CBR4: variants seen among roughly 807,000 people sequenced by gnomAD.
CBR4 encodes carbonyl reductase 4.
CBR4 carries 22 observed loss-of-function variants against 21.0 expected under a neutral mutation model. The ratio of observed to expected loss-of-function variants is 1.05; its 90% CI spans 0.75 to 1.50. CBR4 has a LOEUF of 1.50. CBR4 is among the 40% of genes most tolerant of loss of function. The probability of loss-of-function intolerance (pLI) is 0.00; values close to 1 mark genes in which losing one functional copy is unlikely to be tolerated. For synonymous variants in CBR4, 100 were observed against 104.4 expected (o/e 0.96, Z 0.26); for missense variants, 302 against 286.3 (o/e 1.05, Z -0.40).
chr4:168,907,143 C>T (rs1757983940), intron 2 of CBR4, among the ~76,000 whole-genome samples: 1 of 151,820 alleles, frequency 6.6e-6, no homozygotes. Context: ...AATAATAATA[C>T]AGATTTAAAT....
chr4:168,985,537 CATATATTCCCAA>C (rs1039337211), downstream of CBR4, among the ~76,000 whole-genome samples: 1 of 152,148 alleles, frequency 6.6e-6, no homozygotes, highest in Non-Finnish European at 1.5e-5. Flanking sequence ...CCCATTACTG[CATATATTCCCAA>C]AGGAATATAA....
At chr4:168,961,053 C>T (rs1216733075) in intron 2 of CBR4, among the ~76,000 whole-genome samples, 1 of 152,194 alleles carries the variant, frequency 6.6e-6, no homozygotes, top group African/African-American at 2.4e-5. Flanking sequence ...TCACGTATTA[C>T]AAGACGGTGG....
intron 2 of CBR4, among the ~76,000 whole-genome samples, chr4:168,943,647 T>A (rs955796519): frequency 1.3e-5 from 2 of 152,202 alleles, no homozygotes; most frequent in Non-Finnish European, 2.9e-5. Flanking sequence ...TGGTGGCTCA[T>A]GCCTGTAATT....
At chr4:168,940,668 C>A (rs55764453) in intron 2 of CBR4, among the ~76,000 whole-genome samples, 13,570 of 151,994 alleles carry the variant, frequency 0.089, 714 homozygotes, top group Middle Eastern at 0.2. Context: ...ATGCAGCCAA[C>A]AAACATATGT....
intron 2 of CBR4, chr4:168,921,590 C>T (rs1421753045): frequency 1.2e-6 from 2 of 1,609,738 alleles, no homozygotes; most frequent in African/African-American, 1.4e-5. Context: ...AGCCCGTACG[C>T]CCTGACAGTG....
chr4:168,923,110 T>C (rs1761912032), intron 2 of CBR4, among the ~76,000 whole-genome samples: 1 of 152,256 alleles, frequency 6.6e-6, no homozygotes, highest in South Asian at 2.1e-4. Context: ...ATGTTATTCT[T>C]ACTGATGAGT....
At chr4:169,005,335 G>C (rs964245865) in intron 3 of CBR4, 1 of 152,408 alleles carries the variant, frequency 6.6e-6, no homozygotes, top group African/African-American at 2.4e-5. Context: ...CTAAATATGA[G>C]TGGCTTTTAA....
chr4:168,975,298 A>G (rs1351857720), intron 2 of CBR4, among the ~76,000 whole-genome samples: 1 of 152,184 alleles, frequency 6.6e-6, no homozygotes, highest in Middle Eastern at 3.2e-3. Context: ...CACCTGCTCC[A>G]TTGGAGGTGG....
intron 2 of CBR4, among the ~76,000 whole-genome samples, chr4:168,895,823 T>C (rs1056787070): frequency 9.2e-5 from 14 of 152,394 alleles, no homozygotes; most frequent in African/African-American, 2.6e-4. Context: ...ATTATCTCTT[T>C]ATCTTCTTTC....
chr4:168,998,952 T>C lies in CBR4; in HGVS notation c.535+3119A>G, dbSNP rs116012264. 4.4e-3 allele frequency among the ~76,000 whole-genome samples: 671 copies of C among 152,302 alleles called. 7 individuals are homozygous for C. The highest frequency in any genetic ancestry group is 0.015 in the African/African-American group (639 of 41,590). On this transcript the variant is annotated intron_variant, in intron 4 of 4. Transcript: ENST00000306193. Reference sequence around the variant, plus strand: ...AGGAGAAAAGACTCTTTATGCCTTTTTGTACTTTTGAATTTCGTACTATAT... The same window carrying C: ...AGGAGAAAAGACTCTTTATGCCTTTCTGTACTTTTGAATTTCGTACTATAT...
At chr4:168,991,649 G>A (rs1764929222) in intron 4 of CBR4, among the ~76,000 whole-genome samples, 1 of 151,990 alleles carries the variant, frequency 6.6e-6, no homozygotes, top group Admixed American at 6.6e-5. Flanking sequence ...TACATACCAG[G>A]GAGAACTGTA....
rs1204805369 is a variant in CBR4, at chr4:169,009,999, C to T, written c.91G>A (p.Val31Ile). The change falls in exon 1 of 5, where the codon GTC becomes ATC. Residue 31 changes from valine to isoleucine, a missense_variant. Transcript: ENST00000306193. ...LMARKGYRLA[V>I]IARNLEGAKA... ...GCCCCTTCCAGGTTTCTGGCAATGACCGCCAGTCGGTAGCCTTTCCGGGCC... is the reference window on the plus strand; with the variant it reads ...GCCCCTTCCAGGTTTCTGGCAATGATCGCCAGTCGGTAGCCTTTCCGGGCC... 1 of 1,613,642 alleles carries T rather than the reference C, an allele frequency of 6.2e-7. No individual in the cohort carries two copies. Among genetic ancestry groups the T allele is most frequent in the South Asian group, 1.1e-5 (1 of 90,962 alleles).
chr4:168,895,450 G>A (rs1754915801), intron 2 of CBR4, among the ~76,000 whole-genome samples: 1 of 152,200 alleles, frequency 6.6e-6, no homozygotes, highest in Non-Finnish European at 1.5e-5. Flanking sequence ...ACAGCCTACT[G>A]TTGACCAGAA....
chr4:168,938,635 C>T (rs911771154), intron 2 of CBR4, among the ~76,000 whole-genome samples: 1 of 152,106 alleles, frequency 6.6e-6, no homozygotes, highest in African/African-American at 2.4e-5. Flanking sequence ...GATATCACCA[C>T]CAATCCCACA....
chr4:168,912,324 T>C (rs1269203987), intron 2 of CBR4, among the ~76,000 whole-genome samples: 1 of 152,248 alleles, frequency 6.6e-6, no homozygotes, highest in Non-Finnish European at 1.5e-5. Flanking sequence ...TCATTGATGG[T>C]ACATCTGCTT....
intron 2 of CBR4, among the ~76,000 whole-genome samples, chr4:168,905,792 T>TTTTTC (rs1385118806): frequency 7.0e-5 from 1 of 14,212 alleles, no homozygotes; most frequent in East Asian, 0.013. Flanking sequence ...TTTTTTTTCT[T>TTTTTC]TTTTTTTTTT....
rs542751266 is a variant in CBR4, at chr4:168,914,738, G to A, written n.170-19973C>T. Among the ~76,000 whole-genome samples, 8 of 152,324 alleles carry A rather than the reference G, an allele frequency of 5.3e-5. No homozygotes were observed. The South Asian group carries it at 1.7e-3, about 32-fold the overall frequency. Reference sequence around the variant, plus strand: ...ACAGAATATCCTCAAATAGTCCTGAGTCTAAATTACAGGCCATAGGTGCAA... The same window carrying A: ...ACAGAATATCCTCAAATAGTCCTGAATCTAAATTACAGGCCATAGGTGCAA... On this transcript the variant is annotated intron_variant and non_coding_transcript_variant, in intron 2 of 3. Transcript: ENST00000509108.
intron 2 of CBR4, among the ~76,000 whole-genome samples, chr4:168,944,339 C>T (rs1763345055): frequency 6.6e-6 from 1 of 151,648 alleles, no homozygotes; most frequent in Admixed American, 6.6e-5. Context: ...CAGGCGTGGG[C>T]CTGGTGGTGC....
intron 2 of CBR4, among the ~76,000 whole-genome samples, chr4:168,899,187 G>A (rs1560883145): frequency 1.3e-5 from 2 of 152,180 alleles, no homozygotes; most frequent in Admixed American, 6.5e-5. Flanking sequence ...GGGAGGTGGG[G>A]TGAAGAATAT....
Sources: gnomAD v4.1 joint callset for allele counts (sites outside exome capture counted in the v4.1 genomes callset) on GRCh38, gnomAD v4.1.1 for gene constraint, MANE v1.5 for transcripts, NCBI Gene and HGNC (gene_info 2026-07-23, HGNC 2026-07-21) for gene names.